Variants in SGCZ observed in about 807,000 individuals in gnomAD.
The protein encoded by SGCZ is sarcoglycan zeta.
A neutral mutation model predicts 41.3 loss-of-function variants in SGCZ; 40 were observed. The ratio of observed to expected loss-of-function variants is 0.97; its 90% CI spans 0.75 to 1.26. The LOEUF (loss-of-function observed/expected upper bound fraction) is 1.26. Ranked by LOEUF, SGCZ falls within the 50% of genes most tolerant of loss-of-function variation. SGCZ has a pLI of 0.00. For synonymous variants in SGCZ, 206 were observed against 137.5 expected (o/e 1.50, Z -3.49); for missense variants, 552 against 369.8 (o/e 1.49, Z -4.04).
At chr8:14,554,443 G>T (rs991122241) in intron 2 of SGCZ, among the ~76,000 whole-genome samples, 1 of 151,976 alleles carries the variant, frequency 6.6e-6, no homozygotes, top group Non-Finnish European at 1.5e-5. Flanking sequence ...GTAAGTAATA[G>T]TTCATACTTA....
chr8:14,132,330 AAT>A (rs1803066621), intron 5 of SGCZ, among the ~76,000 whole-genome samples: 2 of 152,176 alleles, frequency 1.3e-5, no homozygotes, highest in Admixed American at 1.3e-4. Context: ...TTAAATAGGT[AAT>A]ATGTGTACAC....
chr8:14,438,784 T>C (rs1217172115), intron 2 of SGCZ, among the ~76,000 whole-genome samples: 2 of 152,010 alleles, frequency 1.3e-5, no homozygotes, highest in Admixed American at 6.6e-5. Context: ...AATTAATAAA[T>C]AGAAAACCAT....
chr8:14,274,188 G>C (rs1162497737), intron 3 of SGCZ, among the ~76,000 whole-genome samples: 6 of 152,006 alleles, frequency 3.9e-5, no homozygotes, highest in African/African-American at 1.4e-4. Flanking sequence ...TTTTCAAACG[G>C]TAATGAAGTA....
At chr8:14,550,923 T>G (rs1267342808) in intron 2 of SGCZ, among the ~76,000 whole-genome samples, 2 of 151,942 alleles carry the variant, frequency 1.3e-5, no homozygotes, top group Admixed American at 1.3e-4. Context: ...GATACTCAAT[T>G]ATTTTCTTGG....
At position 14,257,480 on chromosome 8, in the gene SGCZ, G is replaced by A. The variant is rs28641611; in HGVS notation, c.337-19801C>T. On this transcript the variant is annotated intron_variant, in intron 3 of 7. Coordinates refer to ENST00000382080, the MANE Select transcript of SGCZ (RefSeq NM_139167.4). ...ATACATCCAAAAAGTACATTTTAAC[G>A]TATGACAATTTTTTTTTTATACTTT... 7.3e-5 allele frequency among the ~76,000 whole-genome samples: 10 copies of A among 136,914 alleles called. No individual in the cohort carries two copies. In the East Asian group the frequency reaches 2.1e-3, roughly 28 times the overall value. 89.8% of individuals were successfully genotyped at this position (136,914 alleles called of 152,430 possible).
At chr8:14,236,967 A>G (rs1585263163) in intron 4 of SGCZ, among the ~76,000 whole-genome samples, 1 of 152,164 alleles carries the variant, frequency 6.6e-6, no homozygotes, top group East Asian at 1.9e-4. Context: ...TTAAAATATA[A>G]TTTCAACATC....
intron 1 of SGCZ, among the ~76,000 whole-genome samples, chr8:14,807,131 T>G (rs1049287949): frequency 4.0e-5 from 6 of 151,596 alleles, no homozygotes; most frequent in African/African-American, 1.5e-4. Flanking sequence ...TCATACTGAA[T>G]GGGCAAAAAC....
chr8:14,996,024 C>T (rs532926548), intron 1 of SGCZ, among the ~76,000 whole-genome samples: 8 of 152,172 alleles, frequency 5.3e-5, no homozygotes, highest in African/African-American at 1.9e-4. Flanking sequence ...CTGCCTCAGC[C>T]TCCCGAGTAG....
At chr8:14,284,563 T>C (rs1037228224) in intron 3 of SGCZ, among the ~76,000 whole-genome samples, 1 of 152,242 alleles carries the variant, frequency 6.6e-6, no homozygotes. Context: ...TTCATACAGA[T>C]AATCTTTGTC....
intron 2 of SGCZ, among the ~76,000 whole-genome samples, chr8:14,496,545 AT>A (rs1458388332): frequency 6.6e-6 from 1 of 152,040 alleles, no homozygotes; most frequent in Admixed American, 6.6e-5. Context: ...TTTAAATTTA[AT>A]TTTTTCCCTA....
Position 15,158,610 on chromosome 8 carries a change from A to C in SGCZ, c.39+78975T>G, listed in dbSNP as rs1350000134. On this transcript the variant is annotated intron_variant, in intron 1 of 7. Transcript: ENST00000382080. Reference sequence around the variant, plus strand: ...AGAGTCATAATTCTTCTTATTTAGAAATTCATTTGGAACTTATAATTCATT... The same window carrying C: ...AGAGTCATAATTCTTCTTATTTAGACATTCATTTGGAACTTATAATTCATT... 4.6e-5 allele frequency among the ~76,000 whole-genome samples: 7 copies of C among 152,356 alleles called. No homozygotes were observed. The East Asian group carries it at 1.4e-3, about 29-fold the overall frequency.
intron 3 of SGCZ, among the ~76,000 whole-genome samples, chr8:14,252,380 C>A (rs969072038): frequency 7.3e-5 from 11 of 151,588 alleles, no homozygotes; most frequent in African/African-American, 1.9e-4. Context: ...TTGTTCATTT[C>A]TGAAGCATTG....
At chr8:14,769,543 G>A (rs1268149844) in intron 1 of SGCZ, among the ~76,000 whole-genome samples, 1 of 152,128 alleles carries the variant, frequency 6.6e-6, no homozygotes, top group Non-Finnish European at 1.5e-5. Flanking sequence ...TGTAATCCCA[G>A]CACTTTGGGA....
chr8:14,504,739 T>C (rs753447276), intron 2 of SGCZ, among the ~76,000 whole-genome samples: 2 of 152,198 alleles, frequency 1.3e-5, no homozygotes, highest in East Asian at 1.9e-4. Flanking sequence ...TACTTCTTTA[T>C]GGCACTTCTG....
chr8:14,785,032 A>C (rs1021222736), intron 1 of SGCZ, among the ~76,000 whole-genome samples: 4 of 147,246 alleles, frequency 2.7e-5, no homozygotes, highest in African/African-American at 9.9e-5. Context: ...TCTGATCAAG[A>C]AAAAGGATTT....
intron 2 of SGCZ, among the ~76,000 whole-genome samples, chr8:14,431,977 G>A (rs543312971): frequency 3.3e-5 from 5 of 152,142 alleles, no homozygotes; most frequent in East Asian, 1.9e-4. Flanking sequence ...ACCACAATGC[G>A]ATATCACCTT....
At chr8:14,525,099 A>T (rs1802900374) in intron 2 of SGCZ, among the ~76,000 whole-genome samples, 1 of 135,984 alleles carries the variant, frequency 7.4e-6, no homozygotes, top group African/African-American at 2.6e-5. Context: ...ATAGATAGAC[A>T]CATAGACAGA....
At chr8:14,498,347 G>T (rs1048514188) in intron 2 of SGCZ, among the ~76,000 whole-genome samples, 4 of 152,012 alleles carry the variant, frequency 2.6e-5, no homozygotes, top group Non-Finnish European at 5.9e-5. Flanking sequence ...TTTGTATTTT[G>T]TTGGGTTCCT....
At chr8:14,452,293 G>A (rs182118883) in intron 2 of SGCZ, among the ~76,000 whole-genome samples, 91 of 152,154 alleles carry the variant, frequency 6.0e-4, no homozygotes, top group African/African-American at 1.9e-3. Context: ...AGTCACTGTC[G>A]GGGGGTGAGG....
Sources: gnomAD v4.1 joint callset for allele counts (sites outside exome capture counted in the v4.1 genomes callset) on GRCh38, gnomAD v4.1.1 for gene constraint, MANE v1.5 for transcripts, NCBI Gene and HGNC (gene_info 2026-07-23, HGNC 2026-07-21) for gene names.